TTBK2: variants seen among roughly 807,000 people sequenced by gnomAD.
TTBK2 encodes tau tubulin kinase 2, also known as tau-tubulin kinase 2.
TTBK2 carries 28 observed loss-of-function variants against 110.8 expected under a neutral mutation model. That is an observed-to-expected ratio of 0.25 (90% CI 0.19 to 0.35). The LOEUF (loss-of-function observed/expected upper bound fraction) is 0.35. Ranked by LOEUF, TTBK2 falls within the 10% of genes least tolerant of loss-of-function variation. TTBK2 has a pLI of 1.00. For synonymous variants in TTBK2, 532 were observed against 527.3 expected (o/e 1.01, Z -0.12); for missense variants, 1,369 against 1,500.3 (o/e 0.91, Z 1.45).
At chr15:42,826,329 A>T (rs1315570426) in intron 6 of TTBK2, among the ~76,000 whole-genome samples, 1 of 152,188 alleles carries the variant, frequency 6.6e-6, no homozygotes, top group Non-Finnish European at 1.5e-5. Flanking sequence ...CAAAACAGAC[A>T]GGAGCTGAGA....
chr15:42,909,824 A>C (rs2030643673), intron 1 of TTBK2, among the ~76,000 whole-genome samples: 1 of 152,180 alleles, frequency 6.6e-6, no homozygotes, highest in African/African-American at 2.4e-5. Context: ...AAAAGCAAAA[A>C]TATTATTATC....
chr15:42,850,077 C>T (rs1208895699), intron 3 of TTBK2, among the ~76,000 whole-genome samples: 1 of 152,180 alleles, frequency 6.6e-6, no homozygotes, highest in Non-Finnish European at 1.5e-5. Context: ...CTTCAGACCA[C>T]AGTTCCTCCC....
At chr15:42,889,131 C>T (rs2141159412) in intron 1 of TTBK2, among the ~76,000 whole-genome samples, 1 of 152,274 alleles carries the variant, frequency 6.6e-6, no homozygotes, top group Middle Eastern at 3.4e-3. Flanking sequence ...AAGGAAATCA[C>T]TTCTCAGTGT....
chr15:42,847,047 T>G (rs1893497551), intron 3 of TTBK2, among the ~76,000 whole-genome samples: 1 of 152,160 alleles, frequency 6.6e-6, no homozygotes, highest in South Asian at 2.1e-4. Flanking sequence ...TTTCCCTGAG[T>G]TCTGTGAGCC....
In TTBK2 at chr15:42,800,140, G is replaced by T. The variant is rs1442973912; in HGVS notation, c.823-5339C>A. 6 of 359,732 alleles carry T rather than the reference G, an allele frequency of 1.7e-5. No homozygotes were observed. The East Asian group carries it at 5.3e-4, about 32-fold the overall frequency. 22.3% of individuals were successfully genotyped at this position (359,732 alleles called of 1,614,324 possible). A position where few individuals can be genotyped will look rare whatever the true frequency, so the allele number is the denominator to read the frequency against. ...TAATAAAAGTCAATTACTATGTCAG[G>T]ATAATGAGATTCTGAATAATCTAGA... On this transcript the variant is annotated intron_variant, in intron 9 of 14. Transcript: ENST00000267890.
chr15:42,912,771 G>A (rs192133370), intron 1 of TTBK2, among the ~76,000 whole-genome samples: 29 of 152,216 alleles, frequency 1.9e-4, no homozygotes, highest in African/African-American at 6.7e-4. Context: ...AAGATCATGT[G>A]TAGAAACAAG....
chr15:42,878,492 TACACACAC>T lies in TTBK2; in HGVS notation c.69+49_69+56del, dbSNP rs10650948. ...ACCAAAAATTACCCCCCGATATGTA[TACACACAC>T]ACACACACACACACACACACACACA... On this transcript the variant is annotated intron_variant, in intron 2 of 14. Coordinates refer to ENST00000267890, the MANE Select transcript of TTBK2 (RefSeq NM_173500.4). 9.9e-4 allele frequency: 1,528 copies of T among 1,542,398 alleles called. 3 individuals are homozygous for T. The highest frequency in any genetic ancestry group is 6.1e-3 in the Middle Eastern group (34 of 5,616).
intron 1 of TTBK2, among the ~76,000 whole-genome samples, chr15:42,893,136 G>A (rs555272515): frequency 3.9e-5 from 6 of 152,156 alleles, no homozygotes; most frequent in Non-Finnish European, 8.8e-5. Flanking sequence ...GAACAAAAAG[G>A]AAAATAAAAC....
intron 7 of TTBK2, among the ~76,000 whole-genome samples, chr15:42,816,081 A>ATATATATAT (rs1891995255): frequency 4.8e-4 from 29 of 60,284 alleles, no homozygotes; most frequent in Middle Eastern, 7.0e-3. Flanking sequence ...AAAATAAATA[A>ATATATATAT]ATAAATATAT....
chr15:42,857,523 T>C (rs1322224919), intron 3 of TTBK2: 2 of 142,778 alleles, frequency 1.4e-5, no homozygotes, highest in Non-Finnish European at 3.1e-5. Flanking sequence ...CTGTCTAAAA[T>C]AAAGAAAAAA....
In TTBK2 at chr15:42,763,143, C is replaced by CATATATATATATACATATAT. The variant is rs1302991563; in HGVS notation, c.1999-9916_1999-9897dup. ...ACACATATATATACATATATACATA[C>CATATATATATATACATATAT]ATATATATATATACATATATATATA... On this transcript the variant is annotated intron_variant, in intron 13 of 14. Transcript: ENST00000267890. 1.6e-3 allele frequency among the ~76,000 whole-genome samples: 82 copies of CATATATATATATACATATAT among 51,156 alleles called. 1 individual carries two copies. The highest frequency in any genetic ancestry group is 2.2e-3 in the Non-Finnish European group (72 of 32,610). 33.6% of individuals were successfully genotyped at this position (51,156 alleles called of 152,430 possible). A position where few individuals can be genotyped will look rare whatever the true frequency, so the allele number is the denominator to read the frequency against.
chr15:42,757,303 G>T (rs906868195), intron 13 of TTBK2, among the ~76,000 whole-genome samples: 4 of 151,746 alleles, frequency 2.6e-5, no homozygotes, highest in African/African-American at 7.3e-5. Context: ...CACAGACAGG[G>T]TCTCACTATG....
chr15:42,796,120 C>T (rs1890927960), intron 9 of TTBK2, among the ~76,000 whole-genome samples: 1 of 151,924 alleles, frequency 6.6e-6, no homozygotes, highest in Non-Finnish European at 1.5e-5. Context: ...TCAAGAGATA[C>T]TGGCCACGCA....
chr15:42,751,885 A>G, intron 14 of TTBK2, 89 bp downstream of exon 14: 3 of 1,487,338 alleles, frequency 2.0e-6, no homozygotes, highest in East Asian at 4.5e-5. Context: ...GAAGGGGGCA[A>G]CACAGAAATG....
chr15:42,809,894 T>C (rs1891629460), intron 9 of TTBK2, among the ~76,000 whole-genome samples: 1 of 152,258 alleles, frequency 6.6e-6, no homozygotes, highest in Non-Finnish European at 1.5e-5. Flanking sequence ...GACAACACTG[T>C]AGAATTTAAC....
Position 42,743,088 on chromosome 15 carries a change from A to C in TTBK2, c.*2707T>G, listed in dbSNP as rs2061760385. 6.6e-6 allele frequency: 1 copy of C among 152,236 alleles called. No individual in the cohort carries two copies. The highest frequency in any genetic ancestry group is 1.5e-5 in the Non-Finnish European group (1 of 68,030). 9.4% of individuals were successfully genotyped at this position (152,236 alleles called of 1,614,324 possible). On this transcript the variant is annotated 3_prime_UTR_variant, in exon 15 of 15. Coordinates refer to ENST00000267890, the MANE Select transcript of TTBK2 (RefSeq NM_173500.4). ...TCTACATAGGACAATACTTATAAGC[A>C]GACCTATTGATACCACTTATATATA...
chr15:42,776,237 C>G (rs1360357113), intron 12 of TTBK2, among the ~76,000 whole-genome samples: 1 of 152,170 alleles, frequency 6.6e-6, no homozygotes, highest in African/African-American at 2.4e-5. Context: ...GTCAAATTCA[C>G]AGTCCCTCTA....
At chr15:42,766,276 T>C (rs1595889369) in intron 13 of TTBK2, among the ~76,000 whole-genome samples, 1 of 151,372 alleles carries the variant, frequency 6.6e-6, no homozygotes, top group Admixed American at 6.6e-5. Flanking sequence ...ACAATATTAA[T>C]CTTAAATGTA....
At chr15:42,812,152 T>C (rs891449483) in intron 7 of TTBK2, among the ~76,000 whole-genome samples, 1 of 152,080 alleles carries the variant, frequency 6.6e-6, no homozygotes, top group Non-Finnish European at 1.5e-5. Flanking sequence ...TGTGGGGGCA[T>C]CTGTCATGAG....
Sources: allele counts gnomAD v4.1 joint callset (sites outside exome capture counted in the v4.1 genomes callset), GRCh38; gene constraint gnomAD v4.1.1; transcripts MANE v1.5; gene names NCBI Gene and HGNC (gene_info 2026-07-23, HGNC 2026-07-21).